The following GLT1D1 variants were observed in gnomAD, a reference collection of about 807,000 sequenced individuals.
The protein encoded by GLT1D1 is glycosyltransferase 1 domain-containing protein 1.
A neutral mutation model predicts 28.7 loss-of-function variants in GLT1D1; 21 were observed. The ratio of observed to expected loss-of-function variants is 0.73; its 90% CI spans 0.52 to 1.05. The LOEUF is 1.05. Among genes scored for constraint, GLT1D1 ranks in the 50% least tolerant of loss-of-function variants. The pLI is 0.00. For missense variants in GLT1D1, 343 were observed against 330.6 expected (o/e 1.04, Z -0.29); for synonymous variants, 147 against 124.8 (o/e 1.18, Z -1.19).
In GLT1D1 at chr12:128,944,923, T is replaced by A. The variant is rs181659204; in HGVS notation, c.376-403T>A. 2,038 of 498,820 alleles carry A rather than the reference T, an allele frequency of 4.1e-3. 6 individuals carry two copies. The highest frequency in any genetic ancestry group is 5.6e-3 in the Non-Finnish European group (1,578 of 279,474). The allele number at this position is 498,820 out of a possible 1,614,324, so 30.9% of individuals were successfully genotyped here. Reference sequence around the variant, plus strand: ...TCAACTCGTCATTTACATTAGGTATTTCTCGTAACGCTATCCCTCCTCCAG... The same window carrying A: ...TCAACTCGTCATTTACATTAGGTATATCTCGTAACGCTATCCCTCCTCCAG... On this transcript the variant is annotated intron_variant, in intron 4 of 7. Transcript: ENST00000281703.
At chr12:128,975,597 C>T (rs879345569) in intron 7 of GLT1D1, among the ~76,000 whole-genome samples, 18 of 152,146 alleles carry the variant, frequency 1.2e-4, no homozygotes, top group African/African-American at 2.2e-4. Flanking sequence ...ACTACAGGCG[C>T]GTGCCACCAC....
At chr12:128,915,754 C>A (rs376609169) in intron 4 of GLT1D1, among the ~76,000 whole-genome samples, 1 of 152,332 alleles carries the variant, frequency 6.6e-6, no homozygotes, top group African/African-American at 2.4e-5. Flanking sequence ...CAACAATTTA[C>A]ATGTAAATAA....
At chr12:128,853,737 A>G (rs887170465) in intron 1 of GLT1D1, 88 bp downstream of exon 1, 9 of 868,224 alleles carry the variant, frequency 1.0e-5, no homozygotes, top group African/African-American at 5.5e-5. Context: ...GCGCTCAGCC[A>G]GGCCCCCTCC....
chr12:128,923,696 A>G (rs1872886111), intron 4 of GLT1D1, among the ~76,000 whole-genome samples: 1 of 151,670 alleles, frequency 6.6e-6, no homozygotes, highest in African/African-American at 2.4e-5. Flanking sequence ...TAATTTTTGT[A>G]TTTTTAGTAG....
At chr12:128,960,775 T>A (rs571062364) in intron 7 of GLT1D1, among the ~76,000 whole-genome samples, 5 of 150,468 alleles carry the variant, frequency 3.3e-5, no homozygotes, top group Admixed American at 1.3e-4. Flanking sequence ...AAAAAAAAAA[T>A]TAAATATATA....
intron 1 of GLT1D1, among the ~76,000 whole-genome samples, chr12:128,875,197 C>T (rs998588912): frequency 6.6e-6 from 1 of 152,022 alleles, no homozygotes; most frequent in African/African-American, 2.4e-5. Context: ...CAAAAACAAT[C>T]TTTAGATACC....
At chr12:128,891,640 C>T (rs1869068903) in intron 3 of GLT1D1, among the ~76,000 whole-genome samples, 1 of 152,124 alleles carries the variant, frequency 6.6e-6, no homozygotes. Context: ...ATACAGGGGA[C>T]AGCATTCAAA....
chr12:128,942,735 G>GTTGT (rs1875440178), intron 4 of GLT1D1, among the ~76,000 whole-genome samples: 3 of 89,578 alleles, frequency 3.3e-5, no homozygotes, highest in Admixed American at 1.4e-4. Flanking sequence ...AATTTTCTTT[G>GTTGT]TTTGTTTGTT....
chr12:128,956,015 C>T (rs1049243376), intron 6 of GLT1D1, among the ~76,000 whole-genome samples: 5 of 151,142 alleles, frequency 3.3e-5, no homozygotes, highest in East Asian at 1.9e-4. Context: ...AAAAATTAGC[C>T]GGGCGTGATG....
intron 7 of GLT1D1, among the ~76,000 whole-genome samples, chr12:128,961,314 A>G (rs944738148): frequency 4.6e-5 from 7 of 152,232 alleles, no homozygotes; most frequent in African/African-American, 1.7e-4. Context: ...CCCAAGAATC[A>G]GGGTTGTGAA....
chr12:128,855,509 C>T (rs988429936), intron 1 of GLT1D1, among the ~76,000 whole-genome samples: 12 of 151,854 alleles, frequency 7.9e-5, no homozygotes, highest in African/African-American at 2.2e-4. Context: ...GAGGCTGCAG[C>T]GAAGTGACAT....
chr12:128,871,629 C>T (rs190248323), intron 1 of GLT1D1, among the ~76,000 whole-genome samples: 1 of 152,292 alleles, frequency 6.6e-6, no homozygotes, highest in East Asian at 1.9e-4. Flanking sequence ...ATTTGAACCT[C>T]ATGTTTCTCT....
intron 3 of GLT1D1, among the ~76,000 whole-genome samples, chr12:128,889,485 A>G (rs1436390944): frequency 1.3e-5 from 2 of 152,096 alleles, no homozygotes; most frequent in Non-Finnish European, 2.9e-5. Flanking sequence ...GATCCCAGAT[A>G]CTGATCATGG....
chr12:128,978,910 T>C (rs1880052576), intron 7 of GLT1D1, among the ~76,000 whole-genome samples: 1 of 152,182 alleles, frequency 6.6e-6, no homozygotes, highest in African/African-American at 2.4e-5. Context: ...AGTGTAGCAG[T>C]GAGGACAACC....
chr12:128,923,096 T>C (rs1872814221), intron 4 of GLT1D1, among the ~76,000 whole-genome samples: 1 of 152,100 alleles, frequency 6.6e-6, no homozygotes, highest in African/African-American at 2.4e-5. Flanking sequence ...TTTGCTCCCG[T>C]TGGGTATTAA....
rs764126401 is a variant in GLT1D1, at chr12:128,888,669, G to T, written c.248G>T (p.Gly83Val). 3.7e-6 allele frequency: 6 copies of T among 1,613,730 alleles called. No homozygotes were observed. The South Asian group carries it at 4.4e-5, about 12-fold the overall frequency. ...CGAATCCCTTTTGGAGTCATCTTTG[G>T]TGGAACTGATGTAAATGAAGATGCC... The change falls in exon 3 of 8, where the codon GGT (glycine) becomes GTT (valine). Residue 83 changes from glycine to valine, a missense_variant. Transcript: ENST00000281703.
intron 4 of GLT1D1, among the ~76,000 whole-genome samples, chr12:128,908,352 CTTTCTTTCT>C (rs1326736199): frequency 7.9e-5 from 3 of 38,206 alleles, no homozygotes; most frequent in Non-Finnish European, 1.2e-4. Flanking sequence ...CTTTCCCTTT[CTTTCTTTCT>C]TTTCTTTCTT....
chr12:128,876,118 C>T (rs1956865067), intron 2 of GLT1D1, 56 bp downstream of exon 2: 2 of 1,469,636 alleles, frequency 1.4e-6, no homozygotes, highest in East Asian at 2.3e-5. Context: ...ACCGGAAGTG[C>T]CTGTAATGTC....
At chr12:128,878,693 C>T (rs1484907669) in intron 2 of GLT1D1, among the ~76,000 whole-genome samples, 1 of 152,046 alleles carries the variant, frequency 6.6e-6, no homozygotes, top group African/African-American at 2.4e-5. Flanking sequence ...CTGCAACCTC[C>T]ATTTCATGGG....
Sources: gnomAD v4.1 joint callset for allele counts (sites outside exome capture counted in the v4.1 genomes callset) on GRCh38, gnomAD v4.1.1 for gene constraint, MANE v1.5 for transcripts, NCBI Gene and HGNC (gene_info 2026-07-23, HGNC 2026-07-21) for gene names.